Variants in GABBR2 observed in about 807,000 individuals in gnomAD.
The protein encoded by GABBR2 is gamma-aminobutyric acid type B receptor subunit 2.
A neutral mutation model predicts 105.6 loss-of-function variants in GABBR2; 23 were observed. The observed-to-expected ratio is 0.22, with a 90% CI of 0.16 to 0.31. The LOEUF (loss-of-function observed/expected upper bound fraction) is 0.31, where lower values mean the gene tolerates loss of function less well. Ranked by LOEUF, GABBR2 falls within the 10% of genes least tolerant of loss-of-function variation. The pLI, the probability that GABBR2 is intolerant of heterozygous loss-of-function variation, is 1.00. For synonymous variants in GABBR2, 478 were observed against 499.7 expected, an observed-to-expected ratio of 0.96 and a Z score of 0.58; for missense variants, 734 against 1,245.5, an observed-to-expected ratio of 0.59 and a Z score of 6.18.
chr9:98,537,509 A>G (rs1828206013), intron 3 of GABBR2, among the ~76,000 whole-genome samples: 1 of 151,990 alleles, frequency 6.6e-6, no homozygotes, highest in Non-Finnish European at 1.5e-5. Flanking sequence ...AATGTGCAGT[A>G]GGGCAATCAT....
chr9:98,332,303 G>C (rs1831041576), intron 13 of GABBR2, among the ~76,000 whole-genome samples: 1 of 152,242 alleles, frequency 6.6e-6, no homozygotes, highest in Non-Finnish European at 1.5e-5. Context: ...GACCTGGGAG[G>C]TTGGCAGGGT....
chr9:98,440,489 C>T, intron 7 of GABBR2, among the ~76,000 whole-genome samples: 1 of 152,164 alleles, frequency 6.6e-6, no homozygotes, highest in Non-Finnish European at 1.5e-5. Context: ...CACCCCCTTC[C>T]AGTCCCTTAT....
intron 7 of GABBR2, among the ~76,000 whole-genome samples, chr9:98,436,853 A>G (rs1433142615): frequency 1.3e-5 from 2 of 152,202 alleles, no homozygotes; most frequent in Non-Finnish European, 2.9e-5. Context: ...TCCTATGAAC[A>G]TCAGAACTGA....
chr9:98,403,834 C>T (rs1219105011), intron 8 of GABBR2, among the ~76,000 whole-genome samples: 2 of 150,216 alleles, frequency 1.3e-5, no homozygotes, highest in Admixed American at 1.3e-4. Context: ...TTAGTTTTTC[C>T]CATATTCCAT....
At chr9:98,566,446 C>A (rs1376819717) in intron 2 of GABBR2, among the ~76,000 whole-genome samples, 1 of 152,056 alleles carries the variant, frequency 6.6e-6, no homozygotes, top group Non-Finnish European at 1.5e-5. Context: ...AAGGCCGAGG[C>A]GGGCGGATCA....
chr9:98,505,106 C>T (rs539977858), intron 3 of GABBR2, among the ~76,000 whole-genome samples: 35 of 152,294 alleles, frequency 2.3e-4, no homozygotes, highest in Admixed American at 7.2e-4. Flanking sequence ...TTTCTAATGA[C>T]GGAGAAGGTG....
chr9:98,674,372 TG>T (rs1159526482), intron 1 of GABBR2, among the ~76,000 whole-genome samples: 3 of 152,138 alleles, frequency 2.0e-5, no homozygotes, highest in Admixed American at 1.3e-4. Flanking sequence ...CGTGAACATC[TG>T]GGGGTGCCAT....
intron 1 of GABBR2, among the ~76,000 whole-genome samples, chr9:98,642,269 C>A (rs1829974678): frequency 6.6e-6 from 1 of 152,218 alleles, no homozygotes; most frequent in Admixed American, 6.5e-5. Flanking sequence ...GTCTCCTCGT[C>A]CAATTAGCCA....
chr9:98,295,332 C>T (rs575181157), intron 17 of GABBR2, among the ~76,000 whole-genome samples: 1 of 152,080 alleles, frequency 6.6e-6, no homozygotes, highest in Non-Finnish European at 1.5e-5. Context: ...ACATTTTGTG[C>T]TGTGTGTTGG....
chr9:98,348,869 A>T (rs1219331015), intron 13 of GABBR2, among the ~76,000 whole-genome samples: 1 of 152,138 alleles, frequency 6.6e-6, no homozygotes, highest in Non-Finnish European at 1.5e-5. Context: ...TATCATCTGC[A>T]AAGAGGAACA....
At chr9:98,612,205 G>A (rs1829515138) in intron 1 of GABBR2, among the ~76,000 whole-genome samples, 1 of 152,242 alleles carries the variant, frequency 6.6e-6, no homozygotes, top group South Asian at 2.1e-4. Flanking sequence ...GGCTCTCAGA[G>A]GCAGAGAGCA....
In GABBR2 at chr9:98,288,160, G is replaced by C. The variant is rs1307100852; in HGVS notation, c.*2424C>G. On this transcript the variant is annotated 3_prime_UTR_variant, in exon 19 of 19. Transcript: ENST00000259455. Reference sequence around the variant, plus strand: ...TATTAAAAATCGATACCATGCAGTAGGGGTACGAGAAATTCCTCATTTACA... The same window carrying C: ...TATTAAAAATCGATACCATGCAGTACGGGTACGAGAAATTCCTCATTTACA... 6.6e-6 allele frequency: 1 copy of C among 152,554 alleles called. No homozygotes were observed. Among genetic ancestry groups the C allele is most frequent in the African/African-American group, 2.4e-5 (1 of 41,442 alleles). The allele number at this position is 152,554 out of a possible 1,614,324, so 9.5% of individuals were successfully genotyped here.
At chr9:98,607,996 C>A in intron 1 of GABBR2, 1 of 1,281,140 alleles carries the variant, frequency 7.8e-7, no homozygotes, top group Non-Finnish European at 1.1e-6. Flanking sequence ...AATTTGGAAG[C>A]ACAGCATAAA....
chr9:98,586,826 CGTTT>C (rs1331409824), intron 1 of GABBR2, among the ~76,000 whole-genome samples: 25 of 152,128 alleles, frequency 1.6e-4, no homozygotes, highest in African/African-American at 5.8e-4. Flanking sequence ...AATATGCCAC[CGTTT>C]GTTTGTTCAT....
chr9:98,682,438 T>C (rs1830563099), intron 1 of GABBR2, among the ~76,000 whole-genome samples: 1 of 139,636 alleles, frequency 7.2e-6, no homozygotes, highest in African/African-American at 2.7e-5. Flanking sequence ...TACAGTGGCA[T>C]GATCACAGCT....
intron 2 of GABBR2, among the ~76,000 whole-genome samples, chr9:98,545,150 C>T (rs1031101946): frequency 3.3e-5 from 5 of 152,166 alleles, no homozygotes; most frequent in African/African-American, 1.2e-4. Flanking sequence ...GTTCCAGGTC[C>T]ACAATTAATT....
chr9:98,325,400 T>G (rs1037606392), intron 13 of GABBR2, among the ~76,000 whole-genome samples: 1 of 151,122 alleles, frequency 6.6e-6, no homozygotes, highest in African/African-American at 2.4e-5. Context: ...CAAGTAATTC[T>G]TCTGCCTCAG....
At chr9:98,609,727 A>C (rs1829478571) in intron 1 of GABBR2, among the ~76,000 whole-genome samples, 1 of 152,144 alleles carries the variant, frequency 6.6e-6, no homozygotes, top group Admixed American at 6.5e-5. Flanking sequence ...CCTGGGGCAG[A>C]GCTGGGCTCC....
At position 98,364,601 on chromosome 9, in the gene GABBR2, A is replaced by ATTTT. The variant is rs61391834; in HGVS notation, c.1771-1768_1771-1765dup. ...TCAAGTATGAAGTCTGAGGAAGTGGATTTTTTTTTTTTTTTTATGGAATCT... is the reference window on the plus strand; with the variant it reads ...TCAAGTATGAAGTCTGAGGAAGTGGATTTTTTTTTTTTTTTTTTTTATGGAATCT... On this transcript the variant is annotated intron_variant, in intron 12 of 18. Transcript: ENST00000259455. Among the ~76,000 whole-genome samples, 254 of 135,186 alleles carry ATTTT rather than the reference A, an allele frequency of 1.9e-3. 2 individuals carry two copies. The highest frequency in any genetic ancestry group is 6.5e-3 in the African/African-American group (227 of 34,920). 88.7% of individuals were successfully genotyped at this position (135,186 alleles called of 152,430 possible).
Sources: allele counts gnomAD v4.1 joint callset (sites outside exome capture counted in the v4.1 genomes callset), GRCh38; gene constraint gnomAD v4.1.1; transcripts MANE v1.5; gene names NCBI Gene and HGNC (gene_info 2026-07-23, HGNC 2026-07-21).